Variants in FAT1 observed in about 807,000 individuals in gnomAD.
The protein encoded by FAT1 is protocadherin Fat 1.
FAT1 carries 171 observed loss-of-function variants against 329.8 expected under a neutral mutation model. The observed-to-expected ratio is 0.52, with a 90% CI of 0.46 to 0.59. The LOEUF is 0.59. Ranked by LOEUF, FAT1 falls within the 20% of genes least tolerant of loss-of-function variation. The probability of loss-of-function intolerance (pLI) is 0.00; values close to 1 mark genes in which losing one functional copy is unlikely to be tolerated. For synonymous variants in FAT1, 2,233 were observed against 2,228.6 expected, an observed-to-expected ratio of 1.00 and a Z score of -0.06; for missense variants, 5,672 against 5,774.4, an observed-to-expected ratio of 0.98 and a Z score of 0.57.
chr4:186,590,382 A>G, intron 26 of FAT1: 1 of 1,289,602 alleles, frequency 7.8e-7, no homozygotes, highest in Non-Finnish European at 1.0e-6. Flanking sequence ...TGGTTTGCTG[A>G]GGTCAGGAGC....
At chr4:186,701,350 C>T (rs1417929603) in intron 2 of FAT1, among the ~76,000 whole-genome samples, 1 of 152,152 alleles carries the variant, frequency 6.6e-6, no homozygotes, top group Non-Finnish European at 1.5e-5. Flanking sequence ...ATCATTTCTG[C>T]CAAGACACAA....
intron 1 of FAT1, among the ~76,000 whole-genome samples, chr4:186,718,495 C>T (rs1293894521): frequency 3.9e-5 from 6 of 151,960 alleles, no homozygotes; most frequent in Non-Finnish European, 5.9e-5. Flanking sequence ...GGTGAAACCC[C>T]GTCTCTACTA....
At chr4:186,696,163 C>T (rs1222730850) in intron 2 of FAT1, among the ~76,000 whole-genome samples, 7 of 152,350 alleles carry the variant, frequency 4.6e-5, no homozygotes, top group Middle Eastern at 3.4e-3. Context: ...AGATATGAAA[C>T]TTCGTGTGAC....
At chr4:186,604,114 C>CA (rs1738975762) in intron 18 of FAT1, 137 bp from the exon 19 acceptor site, 5 of 739,690 alleles carry the variant, frequency 6.8e-6, no homozygotes, top group Non-Finnish European at 1.1e-5. Context: ...AGAAACGTAT[C>CA]AAAGAAAAGG....
rs540468996 is a variant in FAT1, at chr4:186,710,001, A to T, written c.-18-156T>A. ...GATGTTTTTCATGTTTTCCAATATA[A>T]GTATCAACATTCTTGTAACATGTCT... is the stretch of plus-strand genomic sequence containing the variant. On this transcript the variant is annotated intron_variant, in intron 1 of 26. Transcript: ENST00000441802. Among the ~76,000 whole-genome samples, 9 of 152,348 alleles carry T rather than the reference A, an allele frequency of 5.9e-5. No individual in the cohort carries two copies. The East Asian group carries it at 1.7e-3, about 29-fold the overall frequency.
chr4:186,707,484 G>T lies in FAT1; in HGVS notation c.2344C>A (p.Arg782Ser), dbSNP rs556690116. 6.2e-7 allele frequency: 1 copy of T among 1,613,934 alleles called. No individual in the cohort carries two copies. The highest frequency in any genetic ancestry group is 8.5e-7 in the Non-Finnish European group (1 of 1,179,884). ...AGGGTGTATTTGTCTGTTGTTTCAC[G>T]GTCAAGAGGAGATAAAATTTTCAGC... ...GMLKILSPLD[R>S]ETTDKYTLNI... Residue 782 changes from arginine (R) to serine (S), a missense_variant, in exon 2 of 27, where the codon CGT (arginine) becomes AGT (serine). Arg to Ser is a moderately radical substitution (Grantham distance 110). Transcript: ENST00000441802.
rs548741277 is a variant in FAT1, at chr4:186,640,455, G to A, written c.3581-672C>T. Among the ~76,000 whole-genome samples the A allele has an allele frequency of 6.6e-5, 10 of 152,294 alleles. No homozygotes were observed. The South Asian group carries it at 1.2e-3, about 19-fold the overall frequency. The stretch of plus-strand genomic sequence containing the variant: ...TCATCCATCTCCTTTAACTGCTCAA[G>A]AGATAACTGAGAGTTGACAGAAATG... On this transcript the variant is annotated intron_variant, in intron 3 of 26. Transcript: ENST00000441802.
rs921535768 is a variant in FAT1 at position 186,618,920 on chromosome 4, G to T, written c.7666C>A (p.Arg2556=). The change falls in exon 10 of 27, where the codon CGA becomes AGA. Residue 2556 remains arginine (R), a synonymous_variant. Coordinates refer to ENST00000441802, the MANE Select transcript of FAT1 (RefSeq NM_005245.4). The stretch of plus-strand genomic sequence containing the variant: ...ATCACTTTCTCCGCCGGGGTTTCTC[G>T]ATCAAGTTTTTCCAAAGTAAATATC... ...GQIFTLEKLD[R]ETPAEKVISV... 1 of 1,613,770 alleles carries T rather than the reference G, an allele frequency of 6.2e-7. No homozygotes were observed. Among genetic ancestry groups the T allele is most frequent in the African/African-American group, 1.3e-5 (1 of 74,916 alleles).
intron 3 of FAT1, among the ~76,000 whole-genome samples, chr4:186,650,143 A>G (rs1200757188): frequency 6.6e-6 from 1 of 152,190 alleles, no homozygotes; most frequent in Non-Finnish European, 1.5e-5. Flanking sequence ...TCCCAAGTGG[A>G]GTCATGCTTT....
Position 186,611,612 on chromosome 4 carries a change from C to T in FAT1, c.9627G>A (p.Arg3209=), listed in dbSNP as rs753882481. 1.2e-6 allele frequency: 2 copies of T among 1,613,516 alleles called. No homozygotes were observed. Among genetic ancestry groups the T allele is most frequent in the Admixed American group, 3.3e-5 (2 of 59,976 alleles). The change falls in exon 14 of 27, where the codon AGG becomes AGA. Residue 3209 remains arginine, a synonymous_variant. Coordinates refer to ENST00000441802, the MANE Select transcript of FAT1 (RefSeq NM_005245.4). The part of the protein sequence containing the change: ...LKAVDQGLPR[R]LTATGTVIVS... ...CAATCACAGTGCCAGTGGCAGTCAG[C>T]CTCCTTGGCAAGCCTTGATCCACAG...
At chr4:186,670,743 G>A (rs1742688050) in intron 2 of FAT1, among the ~76,000 whole-genome samples, 1 of 152,066 alleles carries the variant, frequency 6.6e-6, no homozygotes, top group South Asian at 2.1e-4. Context: ...TTCAAGGCCG[G>A]GTCAATAGTG....
rs757805739 is a variant in FAT1, at chr4:186,619,617, A to G, written c.6969T>C (p.Phe2323=). The G allele has an allele frequency of 6.2e-7, 1 of 1,613,978 alleles. No individual in the cohort carries two copies. The highest frequency in any genetic ancestry group is 8.5e-7 in the Non-Finnish European group (1 of 1,179,900). Residue 2323 remains phenylalanine, a synonymous_variant, in exon 10 of 27, where the codon TTT becomes TTC. Transcript: ENST00000441802. ...EPNRGISYQM[F]GNHSKSHDHF... is the part of the protein sequence containing the mutation. ...GATCATGACTCTTGCTGTGATTCCC[A>G]AACATCTGGTATGAGATTCCTCTAT...
intron 2 of FAT1, among the ~76,000 whole-genome samples, chr4:186,690,527 C>CT (rs1318329724): frequency 4.6e-5 from 7 of 152,038 alleles, no homozygotes; most frequent in Admixed American, 4.6e-4. Context: ...AAAACTCCGT[C>CT]TCTAATAAAA....
chr4:186,603,738 C>T lies in FAT1; in HGVS notation c.10788G>A (p.Gly3596=), dbSNP rs200627475. ...MDNLFSVSST[G]GKLIAHKKLD... is the part of the protein sequence containing the mutation. ...GCTTTTTGTGTGCTATCAGCTTGCC[C>T]CCTGTGCTGGAAACAGAGAACAGGT... Residue 3596 remains glycine (G), a synonymous_variant, in exon 19 of 27, where the codon GGG becomes GGA. Coordinates refer to ENST00000441802, the MANE Select transcript of FAT1 (RefSeq NM_005245.4). 2.0e-4 allele frequency: 317 copies of T among 1,613,800 alleles called. 2 individuals carry two copies. The highest frequency in any genetic ancestry group is 2.3e-4 in the Non-Finnish European group (274 of 1,179,898).
intron 2 of FAT1, among the ~76,000 whole-genome samples, chr4:186,681,597 C>G (rs1452256398): frequency 6.6e-6 from 1 of 152,222 alleles, no homozygotes; most frequent in Admixed American, 6.5e-5. Flanking sequence ...GAAATACACA[C>G]ATACGTGCAG....
rs1219620472 is a variant in FAT1 at position 186,663,551 on chromosome 4, A to C, written c.3328T>G (p.Phe1110Val). ...ESTSHYWLTV[F>V]ATDQGVVPLS... ...GGCACGACACCCTGATCGGTTGCAA[A>C]GACTGTTAGCCAATAATGGGAGGTC... The change falls in exon 3 of 27, where the codon TTT becomes GTT. Residue 1110 changes from phenylalanine (F) to valine (V), a missense_variant. By Grantham distance (50) the Phe-to-Val change is conservative. Coordinates refer to ENST00000441802, the MANE Select transcript of FAT1 (RefSeq NM_005245.4). 9.9e-6 allele frequency: 16 copies of C among 1,613,534 alleles called. No homozygotes were observed. Among genetic ancestry groups the C allele is most frequent in the Non-Finnish European group, 1.4e-5 (16 of 1,179,892 alleles).
chr4:186,638,454 T>C (rs1168015492), intron 4 of FAT1, among the ~76,000 whole-genome samples: 3 of 152,150 alleles, frequency 2.0e-5, no homozygotes, highest in Non-Finnish European at 4.4e-5. Context: ...AGTGACAGAA[T>C]GAAAATTCAA....
At chr4:186,690,015 C>G (rs1458069611) in intron 2 of FAT1, among the ~76,000 whole-genome samples, 1 of 152,158 alleles carries the variant, frequency 6.6e-6, no homozygotes, top group Non-Finnish European at 1.5e-5. Context: ...GTAGCCCCTT[C>G]CTCAGTTACT....
chr4:186,679,413 TCTC>T (rs1743103187), intron 2 of FAT1, among the ~76,000 whole-genome samples: 1 of 89,526 alleles, frequency 1.1e-5, no homozygotes, highest in Non-Finnish European at 2.0e-5. Flanking sequence ...TGAGACTCTG[TCTC>T]AAAAAAAAAA....
Sources: allele counts gnomAD v4.1 joint callset (sites outside exome capture counted in the v4.1 genomes callset), GRCh38; gene constraint gnomAD v4.1.1; transcripts MANE v1.5; gene names NCBI Gene and HGNC (gene_info 2026-07-23, HGNC 2026-07-21).